The following SCAPER variants were observed in gnomAD, a reference collection of about 807,000 sequenced individuals.
The protein encoded by SCAPER is S phase cyclin A-associated protein in the endoplasmic reticulum.
SCAPER carries 98 observed loss-of-function variants against 182.2 expected under a neutral mutation model. That is an observed-to-expected ratio of 0.54 (90% CI 0.46 to 0.64). The LOEUF is 0.64. Among genes scored for constraint, SCAPER ranks in the 30% least tolerant of loss-of-function variants. The pLI, the probability that SCAPER is intolerant of heterozygous loss-of-function variation, is 0.00. For missense variants in SCAPER, 1,432 were observed against 1,690.0 expected (o/e 0.85, Z 2.68); for synonymous variants, 605 against 564.6 (o/e 1.07, Z -1.01).
chr15:76,563,377 G>A (rs1186961251), intron 23 of SCAPER, among the ~76,000 whole-genome samples: 1 of 152,102 alleles, frequency 6.6e-6, no homozygotes, highest in Non-Finnish European at 1.5e-5. Flanking sequence ...GCAACAATTG[G>A]AGAATATTAT....
chr15:76,859,679 G>C lies in SCAPER; in HGVS notation c.125-1800C>G, dbSNP rs74982273. Reference sequence around the variant, plus strand: ...TTCTTCTTTTGTCATCATTACTACAGATATTCAGAAAGTTCTAATTATCTG... The same window carrying C: ...TTCTTCTTTTGTCATCATTACTACACATATTCAGAAAGTTCTAATTATCTG... On this transcript the variant is annotated intron_variant, in intron 3 of 31. Transcript: ENST00000563290. Among the ~76,000 whole-genome samples the C allele has an allele frequency of 6.0e-3, 921 of 152,238 alleles. 7 individuals are homozygous for C. Among genetic ancestry groups the C allele is most frequent in the African/African-American group, 0.02 (840 of 41,530 alleles).
chr15:76,824,191 T>C (rs2067803450), intron 5 of SCAPER, among the ~76,000 whole-genome samples: 1 of 152,232 alleles, frequency 6.6e-6, no homozygotes, highest in South Asian at 2.1e-4. Context: ...TCAAGCAGGA[T>C]GAAACAGAAC....
chr15:76,787,580 C>G (rs1396619783), intron 8 of SCAPER, among the ~76,000 whole-genome samples: 2 of 152,104 alleles, frequency 1.3e-5, no homozygotes, highest in Non-Finnish European at 2.9e-5. Flanking sequence ...CCTGGGTTGG[C>G]CTCCCATAGT....
intron 25 of SCAPER, among the ~76,000 whole-genome samples, chr15:76,450,536 C>T (rs535228344): frequency 1.3e-4 from 20 of 152,178 alleles, no homozygotes; most frequent in Non-Finnish European, 5.9e-5. Flanking sequence ...CATTTTGCCA[C>T]ATTTGTAAAA....
chr15:76,630,798 A>C (rs2053038927), intron 21 of SCAPER, among the ~76,000 whole-genome samples: 1 of 152,164 alleles, frequency 6.6e-6, no homozygotes, highest in Non-Finnish European at 1.5e-5. Context: ...AATTCTGTGG[A>C]TATCTATCAG....
At chr15:76,379,070 G>A (rs1424070656) in intron 28 of SCAPER, among the ~76,000 whole-genome samples, 4 of 152,150 alleles carry the variant, frequency 2.6e-5, no homozygotes, top group African/African-American at 9.7e-5. Flanking sequence ...AAGCTCATCT[G>A]TTTGTTTTTA....
At chr15:76,747,402 T>G (rs1451026512) in intron 15 of SCAPER, among the ~76,000 whole-genome samples, 1 of 152,030 alleles carries the variant, frequency 6.6e-6, no homozygotes, top group Non-Finnish European at 1.5e-5. Flanking sequence ...CTCAGGAGGC[T>G]GAGGCAGGAG....
At chr15:76,367,923 A>C (rs907279338) in intron 29 of SCAPER, among the ~76,000 whole-genome samples, 9 of 152,094 alleles carry the variant, frequency 5.9e-5, no homozygotes, top group South Asian at 4.1e-4. Context: ...GGAAAAAAAA[A>C]CCCACATTTT....
rs764450111 is a variant in SCAPER at position 76,381,548 on chromosome 15, C to A, written c.3535G>T (p.Asp1179Tyr). 1.2e-6 allele frequency: 2 copies of A among 1,611,882 alleles called. No individual in the cohort carries two copies. Among genetic ancestry groups the A allele is most frequent in the South Asian group, 1.1e-5 (1 of 90,560 alleles). The part of the protein sequence containing the change: ...TGLTAALQAT[D>Y]LAGVLHMLYC... ...AGCATATGAAGAACTCCAGCCAGGT[C>A]GGTTGCCTGAAGAGCAGCTGTCAGC... Residue 1179 changes from aspartate (D) to tyrosine (Y), a missense_variant, in exon 28 of 32, where the codon GAC (aspartate) becomes TAC (tyrosine). Coordinates refer to ENST00000563290, the MANE Select transcript of SCAPER (RefSeq NM_020843.4).
Position 76,787,828 on chromosome 15 carries a change from A to C in SCAPER, c.772+7452T>G, listed in dbSNP as rs575155252. ...ACAATGAATTCTTAGACTTGATGACAAAAGTATGATCTATTAAAAAAAAAC... is the reference window on the plus strand; with the variant it reads ...ACAATGAATTCTTAGACTTGATGACCAAAGTATGATCTATTAAAAAAAAAC... On this transcript the variant is annotated intron_variant, in intron 8 of 31. Coordinates refer to ENST00000563290, the MANE Select transcript of SCAPER (RefSeq NM_020843.4). Among the ~76,000 whole-genome samples the C allele has an allele frequency of 1.2e-4, 18 of 152,304 alleles. No individual in the cohort carries two copies. The South Asian group carries it at 3.5e-3, about 30-fold the overall frequency.
At chr15:76,494,877 C>T (rs1412798706) in intron 24 of SCAPER, among the ~76,000 whole-genome samples, 1 of 152,072 alleles carries the variant, frequency 6.6e-6, no homozygotes, top group Non-Finnish European at 1.5e-5. Context: ...ATATTTCTCT[C>T]TGATGATAGC....
At chr15:76,376,851 AC>A (rs2042603145) in intron 28 of SCAPER, among the ~76,000 whole-genome samples, 1 of 152,244 alleles carries the variant, frequency 6.6e-6, no homozygotes. Flanking sequence ...ATGTAAAAAA[AC>A]AAAACAAAAA....
chr15:76,365,788 C>G (rs960270790), intron 29 of SCAPER, among the ~76,000 whole-genome samples: 4 of 152,102 alleles, frequency 2.6e-5, no homozygotes, highest in Non-Finnish European at 5.9e-5. Flanking sequence ...GGAGTAAGTC[C>G]TTCTCCTCTC....
rs186888403 is a variant in SCAPER, at chr15:76,461,130, A to G, written c.3078+10082T>C. The stretch of plus-strand genomic sequence containing the variant: ...AAAATGCCCCTTAATTTTTGGTCTG[A>G]TGTTTTCTCATAATTTGATGGTGGT... On this transcript the variant is annotated intron_variant, in intron 25 of 31. Transcript: ENST00000563290. 1.7e-3 allele frequency among the ~76,000 whole-genome samples: 261 copies of G among 152,038 alleles called. 1 individual carries two copies. The highest frequency in any genetic ancestry group is 6.0e-3 in the African/African-American group (248 of 41,506).
chr15:76,672,130 A>T (rs561379754), intron 20 of SCAPER, among the ~76,000 whole-genome samples: 2 of 152,320 alleles, frequency 1.3e-5, no homozygotes, highest in East Asian at 3.9e-4. Flanking sequence ...TAATAGAGAC[A>T]AAGGGGAAAA....
At chr15:76,712,526 G>A (rs776860784) in intron 17 of SCAPER, among the ~76,000 whole-genome samples, 10 of 152,106 alleles carry the variant, frequency 6.6e-5, no homozygotes, top group Non-Finnish European at 1.5e-4. Flanking sequence ...AATTACCTTG[G>A]GCAGTATGGC....
intron 25 of SCAPER, among the ~76,000 whole-genome samples, chr15:76,449,724 G>C (rs192626788): frequency 1.3e-5 from 2 of 152,260 alleles, no homozygotes; most frequent in Admixed American, 1.3e-4. Flanking sequence ...TTACCAACTT[G>C]TTTCCTCAAA....
At chr15:76,685,184 C>G (rs2057961638) in intron 20 of SCAPER, among the ~76,000 whole-genome samples, 1 of 151,944 alleles carries the variant, frequency 6.6e-6, no homozygotes, top group East Asian at 1.9e-4. Context: ...ACTGAAAAGA[C>G]TAGTTATTAC....
chr15:76,479,805 T>C (rs755549391), intron 24 of SCAPER, among the ~76,000 whole-genome samples: 8 of 152,172 alleles, frequency 5.3e-5, no homozygotes, highest in Non-Finnish European at 1.0e-4. Context: ...CCAAAATCCA[T>C]TGTCATACAC....
Sources: gnomAD v4.1 joint callset for allele counts (sites outside exome capture counted in the v4.1 genomes callset) on GRCh38, gnomAD v4.1.1 for gene constraint, MANE v1.5 for transcripts, NCBI Gene and HGNC (gene_info 2026-07-23, HGNC 2026-07-21) for gene names.